Variants in MAP7 observed in about 807,000 individuals in gnomAD.
The protein encoded by MAP7 is microtubule associated protein 7.
A neutral mutation model predicts 94.8 loss-of-function variants in MAP7; 52 were observed. That is an observed-to-expected ratio of 0.55 (90% confidence interval 0.44 to 0.69). The LOEUF is 0.69. Among genes scored for constraint, MAP7 ranks in the 30% least tolerant of loss-of-function variants. The pLI is 0.00. For synonymous variants in MAP7, 350 were observed against 357.0 expected, an observed-to-expected ratio of 0.98 and a Z score of 0.22; for missense variants, 940 against 964.6, an observed-to-expected ratio of 0.97 and a Z score of 0.34.
intron 2 of MAP7, among the ~76,000 whole-genome samples, chr6:136,413,472 A>G (rs1031175384): frequency 3.3e-5 from 5 of 151,264 alleles, no homozygotes; most frequent in Non-Finnish European, 4.4e-5. Context: ...CGTTGAGCCA[A>G]GACTGCATGC....
chr6:136,508,681 C>T (rs1020806060), intron 1 of MAP7, among the ~76,000 whole-genome samples: 3 of 152,122 alleles, frequency 2.0e-5, no homozygotes, highest in African/African-American at 7.2e-5. Context: ...ATAGACTGGT[C>T]CAGGATGAAC....
intron 6 of MAP7, 150 bp downstream of exon 6, chr6:136,383,521 G>A (rs1053247765): frequency 2.8e-5 from 14 of 493,748 alleles, no homozygotes; most frequent in Admixed American, 2.1e-4. Flanking sequence ...CTGCTCAGCC[G>A]TTTATTGCTT....
intron 1 of MAP7, among the ~76,000 whole-genome samples, chr6:136,500,957 GA>G (rs142838544): frequency 2.0e-5 from 3 of 151,532 alleles, no homozygotes; most frequent in Admixed American, 6.6e-5. Flanking sequence ...GAAAAAGACG[GA>G]AAAAAAATAC....
At chr6:136,391,913 AG>A (rs1008044072) in intron 3 of MAP7, among the ~76,000 whole-genome samples, 3 of 152,256 alleles carry the variant, frequency 2.0e-5, no homozygotes, top group African/African-American at 4.8e-5. Flanking sequence ...TCACTTAAAA[AG>A]GTGGATAAAT....
At chr6:136,407,662 C>G (rs1786050501) in intron 3 of MAP7, among the ~76,000 whole-genome samples, 1 of 152,174 alleles carries the variant, frequency 6.6e-6, no homozygotes, top group Non-Finnish European at 1.5e-5. Flanking sequence ...ATAGTTGAAG[C>G]TCCAGTTAGA....
rs1781002355 is a variant in MAP7 at position 136,392,296 on chromosome 6, C to G, written c.245-2779G>C. Among the ~76,000 whole-genome samples the G allele has an allele frequency of 2.6e-5, 4 of 151,042 alleles. No individual in the cohort carries two copies. The South Asian group carries it at 8.4e-4, about 32-fold the overall frequency. ...GTTTTGCCATATTGCCCAGGCTGGT[C>G]TTGACCTCCTCAGCTCAAGGGATCC... On this transcript the variant is annotated intron_variant, in intron 3 of 17. Transcript: ENST00000354570.
intron 1 of MAP7, among the ~76,000 whole-genome samples, chr6:136,462,223 T>C (rs1468678667): frequency 6.6e-6 from 1 of 151,732 alleles, no homozygotes; most frequent in Non-Finnish European, 1.5e-5. Flanking sequence ...GTACAAAAAT[T>C]TCAGTTCAGA....
At chr6:136,485,714 C>T (rs1814488468) in intron 1 of MAP7, among the ~76,000 whole-genome samples, 1 of 151,634 alleles carries the variant, frequency 6.6e-6, no homozygotes, top group Non-Finnish European at 1.5e-5. Context: ...AGGCGCCCGC[C>T]ACTACGCCCG....
At chr6:136,400,190 G>C (rs1783667134) in intron 3 of MAP7, among the ~76,000 whole-genome samples, 1 of 152,128 alleles carries the variant, frequency 6.6e-6, no homozygotes, top group South Asian at 2.1e-4. Context: ...GCTGAGGCGG[G>C]CAGATCACGA....
At position 136,516,159 on chromosome 6, in the gene MAP7, T is replaced by A. The variant is rs1824753729; in HGVS notation, c.67+34183A>T. Among the ~76,000 whole-genome samples, 3 of 146,952 alleles carry A rather than the reference T, an allele frequency of 2.0e-5. No homozygotes were observed. In the South Asian group the frequency reaches 6.3e-4, roughly 31 times the overall value. The stretch of plus-strand genomic sequence containing the variant: ...TGGTCTGGGGACATCCTTAGGGAAA[T>A]GACAATTTTTTTTTTTTTTGAGACA... On this transcript the variant is annotated intron_variant, in intron 1 of 17. Transcript: ENST00000354570.
At chr6:136,414,196 T>C (rs1437278773) in intron 2 of MAP7, among the ~76,000 whole-genome samples, 46 of 122,270 alleles carry the variant, frequency 3.8e-4, no homozygotes, top group African/African-American at 1.4e-3. Flanking sequence ...GAGCTTGCAG[T>C]GAGCCGAGAT....
chr6:136,445,295 G>A (rs2128864660), intron 1 of MAP7, among the ~76,000 whole-genome samples: 1 of 152,204 alleles, frequency 6.6e-6, no homozygotes, highest in African/African-American at 2.4e-5. Flanking sequence ...CAATGAACCT[G>A]TACAAATAAA....
At chr6:136,466,977 C>G in intron 1 of MAP7, 1 of 1,215,338 alleles carries the variant, frequency 8.2e-7, no homozygotes, top group Non-Finnish European at 1.1e-6. Context: ...TCGACAGCCA[C>G]TGTTTTTAAA....
intron 3 of MAP7, among the ~76,000 whole-genome samples, chr6:136,393,569 C>T (rs1781401308): frequency 6.6e-6 from 1 of 152,146 alleles, no homozygotes; most frequent in East Asian, 1.9e-4. Context: ...GCCATCTCTT[C>T]CAGAGCTCAC....
chr6:136,366,121 C>A, intron 9 of MAP7, 103 bp from the exon 10 acceptor site: 1 of 1,257,688 alleles, frequency 8.0e-7, no homozygotes. Context: ...TATTTAGCTC[C>A]GTGTATTTGT....
chr6:136,496,443 T>C (rs1818253401), intron 1 of MAP7, among the ~76,000 whole-genome samples: 1 of 151,220 alleles, frequency 6.6e-6, no homozygotes, highest in African/African-American at 2.5e-5. Flanking sequence ...CATTTGTCAA[T>C]GTCATGTTTC....
intron 1 of MAP7, among the ~76,000 whole-genome samples, chr6:136,453,937 G>C (rs954080605): frequency 2.2e-4 from 33 of 152,286 alleles, no homozygotes; most frequent in African/African-American, 7.7e-4. Context: ...TTCATCAAGA[G>C]AAATTAGTCT....
At chr6:136,493,192 G>GGCTCAC (rs1044729781) in intron 1 of MAP7, among the ~76,000 whole-genome samples, 11 of 141,568 alleles carry the variant, frequency 7.8e-5, no homozygotes, top group Non-Finnish European at 1.5e-4. Context: ...GGCACGATCC[G>GGCTCAC]GCTCACGGCA....
intron 11 of MAP7, 122 bp from the exon 12 acceptor site, chr6:136,361,301 G>T: frequency 1.0e-6 from 1 of 967,598 alleles, no homozygotes; most frequent in African/African-American, 1.6e-5. Context: ...AATCCCCACT[G>T]GATGCCTTCA....
Sources: allele counts gnomAD v4.1 joint callset (sites outside exome capture counted in the v4.1 genomes callset), GRCh38; gene constraint gnomAD v4.1.1; transcripts MANE v1.5; gene names NCBI Gene and HGNC (gene_info 2026-07-23, HGNC 2026-07-21).